GAD2: variants seen among roughly 807,000 people sequenced by gnomAD.
GAD2 encodes 65 kDa glutamic acid decarboxylase.
Under a neutral mutation model 80.1 loss-of-function variants are expected in GAD2, and 22 were observed. The ratio of observed to expected loss-of-function variants is 0.27; its 90% CI spans 0.20 to 0.39. The LOEUF (loss-of-function observed/expected upper bound fraction) is 0.39. Among genes scored for constraint, GAD2 ranks in the 10% least tolerant of loss-of-function variants. The pLI is 1.00. For synonymous variants in GAD2, 274 were observed against 256.9 expected (o/e 1.07, Z -0.64); for missense variants, 624 against 738.4 (o/e 0.85, Z 1.80).
chr10:26,225,649 G>A (rs1004425577), intron 6 of GAD2, among the ~76,000 whole-genome samples: 2 of 152,164 alleles, frequency 1.3e-5, no homozygotes, highest in African/African-American at 4.8e-5. Flanking sequence ...AAAAGAAAAA[G>A]TGAAAAGAAG....
At position 26,217,408 on chromosome 10, in the gene GAD2, G is replaced by T. The variant is rs1408265890; in HGVS notation, c.77-202G>T. The stretch of plus-strand genomic sequence containing the variant: ...GCTTCTCCTCGGGAAACAGATAAAG[G>T]AAATGAGGGCTGGCCCGGGCCGCCA... On this transcript the variant is annotated intron_variant, in intron 1 of 15. Coordinates refer to ENST00000376261, the MANE Select transcript of GAD2 (RefSeq NM_001134366.2). The surrounding 1 kb of genome is among the most constrained non-coding windows in gnomAD (Gnocchi z 4.9). Among the ~76,000 whole-genome samples, 1 of 152,132 alleles carries T rather than the reference G, an allele frequency of 6.6e-6. No individual in the cohort carries two copies. Among genetic ancestry groups the T allele is most frequent in the African/African-American group, 2.4e-5 (1 of 41,436 alleles).
chr10:26,290,620 C>T (rs887682550), intron 13 of GAD2, among the ~76,000 whole-genome samples: 6 of 152,068 alleles, frequency 3.9e-5, no homozygotes, highest in African/African-American at 7.2e-5. Flanking sequence ...GCAAGGGATT[C>T]GGTAGTTATT....
In GAD2 at chr10:26,303,634, A is replaced by G. The variant is rs1334140346; in HGVS notation, c.*2673A>G. 6.6e-6 allele frequency: 1 copy of G among 152,182 alleles called. No individual in the cohort carries two copies. The highest frequency in any genetic ancestry group is 1.5e-5 in the Non-Finnish European group (1 of 68,016). 9.4% of individuals were successfully genotyped at this position (152,182 alleles called of 1,614,324 possible). On this transcript the variant is annotated 3_prime_UTR_variant, in exon 16 of 16. Transcript: ENST00000376261. The stretch of plus-strand genomic sequence containing the variant: ...AGCTTTAATCAGAACTGACATGGCC[A>G]TTTTCATTTATACAGCAATATTGTG...
chr10:26,246,020 T>C lies in GAD2; in HGVS notation c.920+20T>C. 1.9e-6 allele frequency: 3 copies of C among 1,609,150 alleles called. No homozygotes were observed. The highest frequency in any genetic ancestry group is 2.6e-6 in the Non-Finnish European group (3 of 1,176,302). On this transcript the variant is annotated intron_variant, in intron 8 of 15. Transcript: ENST00000376261. The stretch of plus-strand genomic sequence containing the variant: ...TGAGAGGTGAGCACGCATCGGCAAC[T>C]CTTGTTGGTTAGCAATTTGCAAATT...
intron 7 of GAD2, among the ~76,000 whole-genome samples, chr10:26,232,535 C>G (rs908829463): frequency 7.3e-6 from 1 of 136,228 alleles, no homozygotes; most frequent in Non-Finnish European, 1.5e-5. Flanking sequence ...AGTGCTGTGG[C>G]GTGATCTCTG....
chr10:26,219,769 A>G (rs1003157425), intron 4 of GAD2, among the ~76,000 whole-genome samples: 10 of 152,254 alleles, frequency 6.6e-5, no homozygotes, highest in Admixed American at 2.0e-4. Flanking sequence ...ACATTGTGTC[A>G]AATGGCCAAC....
intron 13 of GAD2, among the ~76,000 whole-genome samples, chr10:26,288,017 G>A (rs957889038): frequency 4.6e-5 from 7 of 152,120 alleles, no homozygotes; most frequent in East Asian, 1.9e-4. Context: ...CCATGTCCAC[G>A]GCAATGCATT....
At chr10:26,239,081 T>C (rs1033535888) in intron 7 of GAD2, among the ~76,000 whole-genome samples, 14 of 152,130 alleles carry the variant, frequency 9.2e-5, no homozygotes, top group Admixed American at 6.5e-4. Context: ...GAGGACAATA[T>C]ATAATGATCC....
chr10:26,252,207 A>G (rs1218657265), intron 8 of GAD2, among the ~76,000 whole-genome samples: 2 of 152,174 alleles, frequency 1.3e-5, no homozygotes, highest in Non-Finnish European at 2.9e-5. Flanking sequence ...GCTGGGTGAT[A>G]GGTTTTATTA....
intron 8 of GAD2, among the ~76,000 whole-genome samples, chr10:26,253,128 A>T (rs552312929): frequency 2.6e-5 from 4 of 152,240 alleles, no homozygotes; most frequent in South Asian, 4.2e-4. Flanking sequence ...AAATATACTT[A>T]AAAAATGGAA....
chr10:26,293,064 G>T, intron 15 of GAD2, 73 bp downstream of exon 15: 1 of 1,253,428 alleles, frequency 8.0e-7, no homozygotes, highest in Non-Finnish European at 1.2e-6. Flanking sequence ...TATGACATAT[G>T]CCTGTGGCCT....
intron 8 of GAD2, among the ~76,000 whole-genome samples, chr10:26,251,225 A>G (rs1040264064): frequency 1.3e-5 from 2 of 152,000 alleles, no homozygotes; most frequent in African/African-American, 2.4e-5. Context: ...ATTAGACATG[A>G]TAACATGAGT....
chr10:26,258,310 G>A (rs1239373445), intron 8 of GAD2, among the ~76,000 whole-genome samples: 1 of 152,224 alleles, frequency 6.6e-6, no homozygotes, highest in Non-Finnish European at 1.5e-5. Flanking sequence ...AAGAGTCAGG[G>A]TGTGGACTCA....
At chr10:26,249,456 T>C (rs1844852769) in intron 8 of GAD2, among the ~76,000 whole-genome samples, 1 of 152,232 alleles carries the variant, frequency 6.6e-6, no homozygotes, top group Non-Finnish European at 1.5e-5. Context: ...TTTAAAACTT[T>C]CTTAATCTGT....
At chr10:26,262,973 C>A (rs1375476688) in intron 8 of GAD2, among the ~76,000 whole-genome samples, 1 of 152,042 alleles carries the variant, frequency 6.6e-6, no homozygotes, top group African/African-American at 2.4e-5. Flanking sequence ...CCTGTCAGCT[C>A]TAATACTACC....
At chr10:26,280,131 G>A (rs549096360) in intron 11 of GAD2, among the ~76,000 whole-genome samples, 4 of 152,310 alleles carry the variant, frequency 2.6e-5, no homozygotes, top group Admixed American at 6.5e-5. Flanking sequence ...TGAGATCACC[G>A]TGGAGGCAGG....
At chr10:26,243,042 A>AGAAC (rs369682044) in intron 7 of GAD2, among the ~76,000 whole-genome samples, 5,403 of 133,828 alleles carry the variant, frequency 0.04, 329 homozygotes, top group African/African-American at 0.14. Context: ...TGCACAAAAA[A>AGAAC]CCCCCCCCCT....
chr10:26,224,567 G>C lies in GAD2; in HGVS notation c.640G>C (p.Val214Leu). The change falls in exon 6 of 16, where the codon GTG becomes CTG. Residue 214 changes from valine to leucine, a missense_variant. Coordinates refer to ENST00000376261, the MANE Select transcript of GAD2 (RefSeq NM_001134366.2). ...CACCTATGAAATTGCTCCAGTATTTGTGCTTTTGGAATATGTCACACTAAA... is the reference window on the plus strand; with the variant it reads ...CACCTATGAAATTGCTCCAGTATTTCTGCTTTTGGAATATGTCACACTAAA... Reference protein sequence around the residue: ...MFTYEIAPVFVLLEYVTLKKM... With the variant: ...MFTYEIAPVFLLLEYVTLKKM... 6.2e-7 allele frequency: 1 copy of C among 1,613,842 alleles called. No homozygotes were observed. The highest frequency in any genetic ancestry group is 1.7e-5 in the Admixed American group (1 of 60,024).
Position 26,229,688 on chromosome 10 carries a change from A to G in GAD2, c.751A>G (p.Met251Val), listed in dbSNP as rs201461179. 28 of 1,614,160 alleles carry G rather than the reference A, an allele frequency of 1.7e-5. No individual in the cohort carries two copies. In the Admixed American group the frequency reaches 2.2e-4, roughly 12 times the overall value. Reference sequence around the variant, plus strand: ...TGGCGCCATATCTAACATGTATGCCATGATGATCGCACGCTTTAAGATGTT... The same window carrying G: ...TGGCGCCATATCTAACATGTATGCCGTGATGATCGCACGCTTTAAGATGTT... ...PGGAISNMYA[M>V]MIARFKMFPE... Residue 251 changes from methionine to valine, a missense_variant, in exon 7 of 16, where the codon ATG becomes GTG. Met to Val is a conservative substitution (Grantham distance 21). Coordinates refer to ENST00000376261, the MANE Select transcript of GAD2 (RefSeq NM_001134366.2).
Sources: gnomAD v4.1 joint callset for allele counts (sites outside exome capture counted in the v4.1 genomes callset) on GRCh38, gnomAD v4.1.1 for gene constraint, Gnocchi (gnomAD v3.1) non-coding constraint, MANE v1.5 for transcripts, NCBI Gene and HGNC (gene_info 2026-07-23, HGNC 2026-07-21) for gene names.